ULK1: variants seen among roughly 807,000 people sequenced by gnomAD.
The protein encoded by ULK1 is unc-51 like autophagy activating kinase 1.
A neutral mutation model predicts 117.5 loss-of-function variants in ULK1; 48 were observed. The ratio of observed to expected loss-of-function variants is 0.41; its 90% CI spans 0.32 to 0.52. ULK1 has a LOEUF of 0.52. Among genes scored for constraint, ULK1 ranks in the 20% least tolerant of loss-of-function variants. The pLI is 0.29. For synonymous variants in ULK1, 790 were observed against 637.8 expected, an observed-to-expected ratio of 1.24 and a Z score of -3.60; for missense variants, 1,387 against 1,473.4, an observed-to-expected ratio of 0.94 and a Z score of 0.96.
Position 131,921,833 on chromosome 12 carries a change from C to G in ULK1, c.*472C>G. Reference sequence around the variant, plus strand: ...TACCCACCCAGCTTTGTCAATCACCCAAGCACTTTATGCATATAGAGACAG... The same window carrying G: ...TACCCACCCAGCTTTGTCAATCACCGAAGCACTTTATGCATATAGAGACAG... On this transcript the variant is annotated 3_prime_UTR_variant, in exon 28 of 28. Transcript: ENST00000321867. 1 of 471,438 alleles carries G rather than the reference C, an allele frequency of 2.1e-6. No individual in the cohort carries two copies. Among genetic ancestry groups the G allele is most frequent in the Non-Finnish European group, 4.2e-6 (1 of 237,330 alleles). 29.2% of individuals were successfully genotyped at this position (471,438 alleles called of 1,614,324 possible). A position where few individuals can be genotyped will look rare whatever the true frequency, so the allele number is the denominator to read the frequency against.
intron 3 of ULK1, among the ~76,000 whole-genome samples, chr12:131,901,039 CTT>C (rs1231176159): frequency 2.5e-4 from 36 of 143,630 alleles, no homozygotes; most frequent in Admixed American, 2.8e-4. Flanking sequence ...TTGTGTATAT[CTT>C]TTTTTTTTTT....
chr12:131,908,393 C>A (rs780637440), intron 5 of ULK1, among the ~76,000 whole-genome samples: 2 of 152,082 alleles, frequency 1.3e-5, no homozygotes, highest in Admixed American at 1.3e-4. Flanking sequence ...GGCGGCCTCC[C>A]GTCTCTGGAG....
chr12:131,906,959 T>C (rs1566117441), intron 4 of ULK1, 35 bp downstream of exon 4: 1 of 1,613,860 alleles, frequency 6.2e-7, no homozygotes. Flanking sequence ...AAGTGCAGGC[T>C]GATGGCCATG....
chr12:131,895,712 A>C lies in ULK1; in HGVS notation c.204+19A>C. 6.2e-7 allele frequency: 1 copy of C among 1,613,626 alleles called. No homozygotes were observed. Among genetic ancestry groups the C allele is most frequent in the Non-Finnish European group, 8.5e-7 (1 of 1,179,648 alleles). ...CCTGAAGGTGAGCCAGTGCTGGGGG[A>C]GGGGGCGTGGGCGTGGGCGTGGGCA... is the stretch of plus-strand genomic sequence containing the variant. On this transcript the variant is annotated intron_variant, in intron 2 of 27. Coordinates refer to ENST00000321867, the MANE Select transcript of ULK1 (RefSeq NM_003565.4).
intron 5 of ULK1, among the ~76,000 whole-genome samples, chr12:131,908,189 G>A (rs899041809): frequency 1.3e-5 from 2 of 152,134 alleles, no homozygotes; most frequent in Non-Finnish European, 1.5e-5. Flanking sequence ...AGGACCCGCT[G>A]GCCCCCTCGC....
intron 16 of ULK1, 122 bp from the exon 17 acceptor site, chr12:131,914,961 A>G: frequency 7.1e-7 from 1 of 1,410,050 alleles, no homozygotes; most frequent in Non-Finnish European, 9.4e-7. Flanking sequence ...TTGGCGTGGC[A>G]TGGGGTCCTG....
intron 5 of ULK1, 92 bp downstream of exon 5, chr12:131,907,623 C>G: frequency 3.4e-6 from 5 of 1,468,686 alleles, no homozygotes; most frequent in Non-Finnish European, 4.6e-6. Flanking sequence ...GGCAGCCTGG[C>G]TCGAGTGGGT....
At chr12:131,911,587 C>G (rs752168509) in intron 12 of ULK1, among the ~76,000 whole-genome samples, 1 of 152,182 alleles carries the variant, frequency 6.6e-6, no homozygotes, top group African/African-American at 2.4e-5. Context: ...CATGGTACCT[C>G]GTTCTCTTGG....
rs952455037 is a variant in ULK1 at position 131,903,369 on chromosome 12, TG to T, written c.247-3520del. Among the ~76,000 whole-genome samples, 4 of 152,194 alleles carry T rather than the reference TG, an allele frequency of 2.6e-5. No individual in the cohort carries two copies. The highest frequency in any genetic ancestry group is 9.6e-5 in the African/African-American group (4 of 41,452). On this transcript the variant is annotated intron_variant, in intron 3 of 27. Transcript: ENST00000321867. The surrounding 1 kb of genome is among the most constrained non-coding windows in gnomAD (Gnocchi z 6.0). Reference sequence around the variant, plus strand: ...AGGACAGGACTCCAGCCCACCTGCTTGGGCTGTGCTGCCATTTCCCAGCCTG... The same window carrying T: ...AGGACAGGACTCCAGCCCACCTGCTTGGCTGTGCTGCCATTTCCCAGCCTG...
intron 21 of ULK1, 21 bp downstream of exon 21, chr12:131,917,083 CG>C (rs1304951424): frequency 1.8e-4 from 248 of 1,380,388 alleles, no homozygotes; most frequent in Middle Eastern, 7.9e-4. Flanking sequence ...GGGTGGGGCT[CG>C]GAGGCTGTGG....
Position 131,917,075 on chromosome 12 carries a change from G to GTGGGGCTTGGAGGCTGTGGGA in ULK1, c.2182+20_2182+21insTGGAGGCTGTGGGATGGGGCT. 4 of 1,292,460 alleles carry GTGGGGCTTGGAGGCTGTGGGA rather than the reference G, an allele frequency of 3.1e-6. 1 individual carries two copies. The South Asian group carries it at 5.1e-5, about 17-fold the overall frequency. The allele number at this position is 1,292,460 out of a possible 1,614,324, so 80.1% of individuals were successfully genotyped here. A position where few individuals can be genotyped will look rare whatever the true frequency, so the allele number is the denominator to read the frequency against. ...CCCATGGAGATCGGTGTGTGGGTGG[G>GTGGGGCTTGGAGGCTGTGGGA]TGGGGCTCGGAGGCTGTGGGATGGG... On this transcript the variant is annotated intron_variant, in intron 21 of 27. Transcript: ENST00000321867.
chr12:131,912,629 C>T (rs1414682147), intron 13 of ULK1, among the ~76,000 whole-genome samples: 1 of 152,220 alleles, frequency 6.6e-6, no homozygotes, highest in African/African-American at 2.4e-5. Flanking sequence ...CACTGGTCCC[C>T]GTGTCTGCCA....
rs761399591 is a variant in ULK1 at position 131,919,342 on chromosome 12, G to A, written c.2642G>A (p.Ser881Asn). 1.9e-6 allele frequency: 3 copies of A among 1,575,320 alleles called. No homozygotes were observed. The highest frequency in any genetic ancestry group is 2.3e-5 in the East Asian group (1 of 44,202). The change falls in exon 24 of 28, where the codon AGT (serine) becomes AAT (asparagine). Residue 881 changes from serine (S) to asparagine (N), a missense_variant. Ser to Asn is a conservative substitution (Grantham distance 46, BLOSUM62 1). Transcript: ENST00000321867. ...AGGPEYQLQESVVADQISLLS... is the reference protein window; with the variant it reads ...AGGPEYQLQENVVADQISLLS... ...GGCCCTGAGTACCAGCTGCAGGAGA[G>A]TGTGGTGGCCGACCAGATCAGCCTG...
Position 131,920,149 on chromosome 12 carries a change from C to CA in ULK1, c.2961+14dup. ...CGCTGTGCAGATGGTACGGGACAGA[C>CA]AGACACCAGTGGGGCAGGGGCCAGG... is the stretch of plus-strand genomic sequence containing the variant. On this transcript the variant is annotated intron_variant, in intron 26 of 27. Coordinates refer to ENST00000321867, the MANE Select transcript of ULK1 (RefSeq NM_003565.4). 1 of 1,608,352 alleles carries CA rather than the reference C, an allele frequency of 6.2e-7. No homozygotes were observed. The highest frequency in any genetic ancestry group is 8.5e-7 in the Non-Finnish European group (1 of 1,176,296).
At position 131,915,355 on chromosome 12, in the gene ULK1, C is replaced by T; in HGVS notation, c.1543C>T (p.Pro515Ser). ...CCAAGTTGGAACCATCCCTGAGCGG[C>T]CAGGCTGGAGCGGGACGCCCTCCCC... is the stretch of plus-strand genomic sequence containing the variant. ...SPQVGTIPERPGWSGTPSPQG... is the reference protein window; with the variant it reads ...SPQVGTIPERSGWSGTPSPQG... The change falls in exon 18 of 28, where the codon CCA (proline) becomes TCA (serine). Residue 515 changes from proline (P) to serine (S), a missense_variant. Transcript: ENST00000321867. The T allele has an allele frequency of 6.2e-6, 10 of 1,612,826 alleles. No individual in the cohort carries two copies. The highest frequency in any genetic ancestry group is 7.6e-6 in the Non-Finnish European group (9 of 1,179,972).
chr12:131,907,639 G>C, intron 5 of ULK1, 108 bp downstream of exon 5: 1 of 1,370,108 alleles, frequency 7.3e-7, no homozygotes, highest in Non-Finnish European at 9.8e-7. Context: ...TGGGTCCTTG[G>C]CTCATTGTGA....
chr12:131,909,698 G>C, intron 8 of ULK1, 77 bp from the exon 9 acceptor site: 1 of 1,413,942 alleles, frequency 7.1e-7, no homozygotes, highest in Non-Finnish European at 9.4e-7. Context: ...GCCGACTGGG[G>C]ACGAACGCAC....
chr12:131,910,212 GC>G, intron 10 of ULK1, 41 bp from the exon 11 acceptor site: 1 of 1,612,102 alleles, frequency 6.2e-7, no homozygotes, highest in Non-Finnish European at 8.5e-7. Flanking sequence ...TGGGGTCAGA[GC>G]TGGGGTCCTC....
chr12:131,912,293 G>A (rs1453605516), intron 13 of ULK1, among the ~76,000 whole-genome samples: 1 of 152,194 alleles, frequency 6.6e-6, no homozygotes, highest in Non-Finnish European at 1.5e-5. Context: ...GGTCCTCCTA[G>A]TGGTCAGTAG....
Sources: gnomAD v4.1 joint callset for allele counts (sites outside exome capture counted in the v4.1 genomes callset) on GRCh38, gnomAD v4.1.1 for gene constraint, Gnocchi (gnomAD v3.1) non-coding constraint, MANE v1.5 for transcripts, NCBI Gene and HGNC (gene_info 2026-07-23, HGNC 2026-07-21) for gene names.